Variants in ERG observed in about 807,000 individuals in gnomAD.
ERG encodes ETS transcription factor ERG.
A neutral mutation model predicts 55.3 loss-of-function variants in ERG; 9 were observed. The observed-to-expected ratio is 0.16, with a 90% CI of 0.10 to 0.28. The LOEUF (loss-of-function observed/expected upper bound fraction) is 0.28. Among genes scored for constraint, ERG ranks in the 10% least tolerant of loss-of-function variants. The pLI is 1.00. For synonymous variants in ERG, 223 were observed against 237.3 expected (o/e 0.94, Z 0.55); for missense variants, 434 against 631.6 (o/e 0.69, Z 3.35).
intron 2 of ERG, among the ~76,000 whole-genome samples, chr21:38,561,311 T>C (rs936979186): frequency 6.6e-6 from 1 of 152,240 alleles, no homozygotes; most frequent in Non-Finnish European, 1.5e-5. Flanking sequence ...CAACATTGTC[T>C]ATTTTATATA....
rs201302744 is a variant in ERG, at chr21:38,383,374, C to T, written c.*29G>A. The T allele has an allele frequency of 1.2e-5, 17 of 1,474,750 alleles. No individual in the cohort carries two copies. In the East Asian group the frequency reaches 1.8e-4, roughly 16 times the overall value. The allele number at this position is 1,474,750 out of a possible 1,614,324, so 91.4% of individuals were successfully genotyped here. ...TTGTGGCGATGGGCTGGTGAATGCA[C>T]GCTGATGGGAAAAGCCTCCGCCAGG... On this transcript the variant is annotated 3_prime_UTR_variant, in exon 10 of 10. Transcript: ENST00000288319. The surrounding 1 kb of genome is among the most constrained non-coding windows in gnomAD (Gnocchi z 5.7).
At position 38,381,843 on chromosome 21, in the gene ERG, G is replaced by A; in HGVS notation, c.*1560C>T. 9.4e-7 allele frequency: 1 copy of A among 1,063,732 alleles called. No homozygotes were observed. Among genetic ancestry groups the A allele is most frequent in the South Asian group, 4.6e-5 (1 of 21,958 alleles). 65.9% of individuals were successfully genotyped at this position (1,063,732 alleles called of 1,614,324 possible). A position where few individuals can be genotyped will look rare whatever the true frequency, so the allele number is the denominator to read the frequency against. ...GGGGCTAGAAATAAAAGACAGGAGG[G>A]GAGGCAAGAAGGACCTGGAGAGGCT... On this transcript the variant is annotated 3_prime_UTR_variant, in exon 10 of 10. Coordinates refer to ENST00000288319, the MANE Select transcript of ERG (RefSeq NM_182918.4).
At chr21:38,452,800 T>C (rs2058953790) in intron 1 of ERG, among the ~76,000 whole-genome samples, 1 of 152,256 alleles carries the variant, frequency 6.6e-6, no homozygotes, top group Non-Finnish European at 1.5e-5. Context: ...CTCAGGGCTC[T>C]GAGAAGGCCT....
chr21:38,375,350 T>G (rs1987214358), downstream of ERG, among the ~76,000 whole-genome samples: 1 of 152,224 alleles, frequency 6.6e-6, no homozygotes, highest in African/African-American at 2.4e-5. Context: ...TGCATGCATG[T>G]CTTGTCTTGC....
chr21:38,631,373 A>C (rs1020015477), intron 1 of ERG, among the ~76,000 whole-genome samples: 1 of 152,072 alleles, frequency 6.6e-6, no homozygotes, highest in Non-Finnish European at 1.5e-5. Flanking sequence ...AAAAAAAAGG[A>C]ATCAGGAAGA....
At chr21:38,422,967 C>T (rs1479806386) in intron 3 of ERG, among the ~76,000 whole-genome samples, 1 of 152,090 alleles carries the variant, frequency 6.6e-6, no homozygotes, top group East Asian at 1.9e-4. Context: ...GTGGCAATTC[C>T]TCCCTAGAAA....
chr21:38,583,803 A>G (rs983316958), intron 1 of ERG, among the ~76,000 whole-genome samples: 6 of 152,206 alleles, frequency 3.9e-5, no homozygotes, highest in Non-Finnish European at 7.3e-5. Context: ...GGAAAAGACA[A>G]AAGAGGCCTG....
chr21:38,556,706 G>A (rs928818283), intron 2 of ERG, among the ~76,000 whole-genome samples: 1 of 152,132 alleles, frequency 6.6e-6, no homozygotes, highest in Admixed American at 6.6e-5. Context: ...TGAAAAGAAA[G>A]GCTTCTGAGG....
At chr21:38,590,268 C>T (rs1322727654) in intron 1 of ERG, among the ~76,000 whole-genome samples, 1 of 151,880 alleles carries the variant, frequency 6.6e-6, no homozygotes, top group Non-Finnish European at 1.5e-5. Context: ...AAGAGAGGTA[C>T]CAAAGATGCA....
chr21:38,570,197 C>T (rs2059948809), intron 2 of ERG, among the ~76,000 whole-genome samples: 1 of 152,166 alleles, frequency 6.6e-6, no homozygotes, highest in African/African-American at 2.4e-5. Context: ...CACATAAAAA[C>T]ATCACTGTTA....
rs190550430 is a variant in ERG, at chr21:38,510,281, G to A, written c.-41+65381C>T. 7.9e-5 allele frequency among the ~76,000 whole-genome samples: 12 copies of A among 152,346 alleles called. No individual in the cohort carries two copies. The East Asian group carries it at 1.9e-3, about 24-fold the overall frequency. On this transcript the variant is annotated intron_variant, in intron 2 of 8. Coordinates refer to the ERG transcript ENST00000398897. ...GACACCCAAAACTCACCTCCCAGAC[G>A]GAGCTAGGATTTGAGATACTGGATT...
In ERG at chr21:38,602,752, A is replaced by T. The variant is rs546437167; in HGVS notation, c.-149-17807T>A. On this transcript the variant is annotated intron_variant, in intron 1 of 10. Coordinates refer to the ERG transcript ENST00000398910. ...TGAAGAAAATCTTTGAACACGTCTCAGTGGCTTGATGCTTCACATTAAGCT... is the reference window on the plus strand; with the variant it reads ...TGAAGAAAATCTTTGAACACGTCTCTGTGGCTTGATGCTTCACATTAAGCT... Among the ~76,000 whole-genome samples the T allele has an allele frequency of 3.3e-5, 5 of 151,848 alleles. No homozygotes were observed. The South Asian group carries it at 1.0e-3, about 32-fold the overall frequency.
At chr21:38,591,003 G>A (rs2060097406) in intron 1 of ERG, among the ~76,000 whole-genome samples, 1 of 152,174 alleles carries the variant, frequency 6.6e-6, no homozygotes. Flanking sequence ...GAGTCTAAGT[G>A]GGAGTTAGGG....
At chr21:38,606,899 T>C (rs1202620103) in intron 1 of ERG, among the ~76,000 whole-genome samples, 1 of 151,998 alleles carries the variant, frequency 6.6e-6, no homozygotes, top group Non-Finnish European at 1.5e-5. Context: ...AGATAAATAA[T>C]AACCAGATTT....
chr21:38,385,491 A>C (rs898060786), intron 9 of ERG, among the ~76,000 whole-genome samples: 4 of 152,232 alleles, frequency 2.6e-5, no homozygotes, highest in Non-Finnish European at 4.4e-5. Context: ...CCTCCTGTAC[A>C]TATCACCCAA....
At chr21:38,580,189 G>A (rs932481296) in intron 1 of ERG, among the ~76,000 whole-genome samples, 34 of 151,652 alleles carry the variant, frequency 2.2e-4, no homozygotes, top group Non-Finnish European at 4.7e-4. Context: ...TCCTGACCTC[G>A]TGATCCACCC....
chr21:38,411,024 C>A (rs1371003829), intron 3 of ERG, among the ~76,000 whole-genome samples: 2 of 152,196 alleles, frequency 1.3e-5, no homozygotes, highest in African/African-American at 4.8e-5. Context: ...AGCCAATCTG[C>A]TGTCCAAGAC....
chr21:38,404,269 C>A (rs968961967), intron 3 of ERG, among the ~76,000 whole-genome samples: 2 of 152,158 alleles, frequency 1.3e-5, no homozygotes, highest in African/African-American at 4.8e-5. Flanking sequence ...CTCCTATGAG[C>A]CAGCGTTCCT....
chr21:38,658,024 C>T (rs1237008566), intron 1 of ERG, among the ~76,000 whole-genome samples: 1 of 152,202 alleles, frequency 6.6e-6, no homozygotes, highest in East Asian at 1.9e-4. Flanking sequence ...AATGTTGCTG[C>T]TAAGGTTCAA....
Sources: allele counts gnomAD v4.1 joint callset (sites outside exome capture counted in the v4.1 genomes callset), GRCh38; gene constraint gnomAD v4.1.1; non-coding constraint Gnocchi (gnomAD v3.1); transcripts MANE v1.5; gene names NCBI Gene and HGNC (gene_info 2026-07-23, HGNC 2026-07-21).